FGD1: variants seen among roughly 807,000 people sequenced by gnomAD.
FGD1 encodes the protein FYVE, RhoGEF and PH domain containing 1, also known as FYVE, RhoGEF and PH domain-containing protein 1.
In FGD1, 12 loss-of-function variants were observed where a neutral mutation model predicts 65.0. The observed-to-expected ratio is 0.18, with a 90% CI of 0.12 to 0.30. The LOEUF is 0.30. FGD1 is among the 10% of genes least tolerant of loss of function. The pLI, the probability that FGD1 is intolerant of heterozygous loss-of-function variation, is 1.00. For synonymous variants in FGD1, 333 were observed against 343.9 expected, an observed-to-expected ratio of 0.97 and a Z score of 0.35; for missense variants, 542 against 837.6, an observed-to-expected ratio of 0.65 and a Z score of 4.36.
intron 1 of FGD1, among the ~76,000 whole-genome samples, chrX:54,484,838 C>G (rs1488140909): frequency 1.8e-5 from 2 of 113,284 alleles, no homozygotes; most frequent in African/African-American, 6.4e-5. Context: ...ATTTCCTGCC[C>G]TCATTCCAGA....
intron 1 of FGD1, among the ~76,000 whole-genome samples, chrX:54,472,459 C>T (rs1294806205): frequency 9.0e-6 from 1 of 111,050 alleles, no homozygotes; most frequent in Non-Finnish European, 1.9e-5. Context: ...GCAGCCAGTT[C>T]AGAAAAAGGG....
intron 1 of FGD1, among the ~76,000 whole-genome samples, chrX:54,474,454 C>A (rs914993067): frequency 4.4e-5 from 5 of 112,835 alleles, no homozygotes; most frequent in African/African-American, 6.4e-5. Flanking sequence ...GGACTCAGAT[C>A]AGGGTCCTTT....
At position 54,453,593 on chromosome X, in the gene FGD1, C is replaced by T. The variant is rs768961637; in HGVS notation, c.2015+1855G>A. ...TCTTTCTTCTTTCTTTTTTAAGAGG[C>T]GAGGTCTCGTTATGTTGCCCAGGCT... On this transcript the variant is annotated intron_variant, in intron 12 of 17. Coordinates refer to ENST00000375135, the MANE Select transcript of FGD1 (RefSeq NM_004463.3). Among the ~76,000 whole-genome samples, 115 of 111,418 alleles carry T rather than the reference C, an allele frequency of 1.0e-3. 1 individual carries two copies. Among genetic ancestry groups the T allele is most frequent in the South Asian group, 2.6e-3 (7 of 2,649 alleles).
chrX:54,461,600 C>CAAAAAAAAAAAAAAAAAAAAAA (rs1165040158), intron 8 of FGD1, among the ~76,000 whole-genome samples: 3 of 18,046 alleles, frequency 1.7e-4, no homozygotes, highest in Non-Finnish European at 2.7e-4. Context: ...GACTCTGTCT[C>CAAAAAAAAAAAAAAAAAAAAAA]AAAAAAAAAA....
intron 1 of FGD1, among the ~76,000 whole-genome samples, chrX:54,477,654 C>T (rs1383862196): frequency 9.1e-6 from 1 of 109,451 alleles, no homozygotes; most frequent in Admixed American, 9.8e-5. Flanking sequence ...GTCTCGATCT[C>T]CCGACCTCAG....
chrX:54,463,784 A>G (rs1019305187), intron 8 of FGD1, among the ~76,000 whole-genome samples: 2 of 110,983 alleles, frequency 1.8e-5, no homozygotes, highest in South Asian at 7.6e-4. Context: ...TGCCTGGAAC[A>G]TGCTCAACCC....
At chrX:54,471,272 CT>C in intron 2 of FGD1, 41 bp downstream of exon 2, 1 of 1,195,341 alleles carries the variant, frequency 8.4e-7, no homozygotes, top group Non-Finnish European at 1.1e-6. Flanking sequence ...CCTCTGTACC[CT>C]CCCCTGGGCC....
chrX:54,447,703 T>TAA (rs1922262035), intron 16 of FGD1, among the ~76,000 whole-genome samples: 2 of 112,548 alleles, frequency 1.8e-5, no homozygotes, highest in Non-Finnish European at 3.8e-5. Context: ...AGTGTGCGGA[T>TAA]CTCAGGCATT....
chrX:54,491,945 G>A (rs1923421622), intron 1 of FGD1, among the ~76,000 whole-genome samples: 1 of 108,893 alleles, frequency 9.2e-6, no homozygotes, highest in African/African-American at 3.3e-5. Flanking sequence ...CCACAAAACG[G>A]CTCTAACATC....
intron 8 of FGD1, among the ~76,000 whole-genome samples, chrX:54,464,290 C>T (rs757891333): frequency 6.3e-5 from 7 of 110,243 alleles, no homozygotes; most frequent in Admixed American, 1.9e-4. Context: ...CCCGCCACCA[C>T]GCCCAGCTAA....
At chrX:54,493,977 G>A (rs1292326181) in intron 1 of FGD1, among the ~76,000 whole-genome samples, 1 of 112,787 alleles carries the variant, frequency 8.9e-6, no homozygotes, top group Non-Finnish European at 1.9e-5. Context: ...AGGCAGGGCA[G>A]ATGTGCGCTG....
intron 8 of FGD1, among the ~76,000 whole-genome samples, chrX:54,464,180 T>C (rs1922708427): frequency 1.0e-5 from 1 of 96,867 alleles, no homozygotes; most frequent in Non-Finnish European, 2.0e-5. Context: ...TTGCCCAGGC[T>C]GAAGTGTAGT....
intron 8 of FGD1, among the ~76,000 whole-genome samples, chrX:54,457,438 G>A (rs1021239561): frequency 2.7e-5 from 3 of 111,475 alleles, no homozygotes; most frequent in Admixed American, 1.9e-4. Flanking sequence ...AAACAAAAAT[G>A]TCCATCTGTA....
chrX:54,485,495 G>T (rs182523914), intron 1 of FGD1, among the ~76,000 whole-genome samples: 1 of 111,728 alleles, frequency 9.0e-6, no homozygotes, highest in Non-Finnish European at 1.9e-5. Flanking sequence ...TTGAGACAGA[G>T]TCTCACTTTG....
At chrX:54,456,151 A>G in intron 10 of FGD1, 69 bp downstream of exon 10, 1 of 1,128,128 alleles carries the variant, frequency 8.9e-7, no homozygotes, top group Non-Finnish European at 1.2e-6. Context: ...TTGAGTGAGT[A>G]CCAGGTCACT....
At chrX:54,493,438 G>T (rs1039703733) in intron 1 of FGD1, among the ~76,000 whole-genome samples, 1 of 111,833 alleles carries the variant, frequency 8.9e-6, no homozygotes, top group African/African-American at 3.2e-5. Flanking sequence ...TGTACTAAGT[G>T]CAAAGATGGA....
chrX:54,460,169 GC>G (rs923567195), intron 8 of FGD1, among the ~76,000 whole-genome samples: 2 of 109,591 alleles, frequency 1.8e-5, no homozygotes, highest in Non-Finnish European at 3.8e-5. Context: ...AAGGCCGGGT[GC>G]GGTGGCTCAT....
chrX:54,479,251 G>A (rs1923087212), intron 1 of FGD1, among the ~76,000 whole-genome samples: 1 of 111,784 alleles, frequency 8.9e-6, no homozygotes. Flanking sequence ...ACTGGACCCT[G>A]CATCTCCCTC....
intron 1 of FGD1, among the ~76,000 whole-genome samples, chrX:54,479,514 T>C (rs947070946): frequency 6.1e-4 from 67 of 110,664 alleles, no homozygotes; most frequent in African/African-American, 2.2e-3. Context: ...AAAACGTGTG[T>C]TCTGCTTGTT....
Sources: allele counts gnomAD v4.1 joint callset (sites outside exome capture counted in the v4.1 genomes callset), GRCh38; gene constraint gnomAD v4.1.1; transcripts MANE v1.5; gene names NCBI Gene and HGNC (gene_info 2026-07-23, HGNC 2026-07-21).